The following TSHZ2 variants were observed in gnomAD, a reference collection of about 807,000 sequenced individuals.
TSHZ2 encodes the protein teashirt homolog 2.
TSHZ2 carries 21 observed loss-of-function variants against 74.4 expected under a neutral mutation model. The ratio of observed to expected loss-of-function variants is 0.28; its 90% CI spans 0.20 to 0.41. The LOEUF (loss-of-function observed/expected upper bound fraction) is 0.41. Among genes scored for constraint, TSHZ2 ranks in the 10% least tolerant of loss-of-function variants. TSHZ2 has a pLI of 1.00. For synonymous variants in TSHZ2, 540 were observed against 515.3 expected, an observed-to-expected ratio of 1.05 and a Z score of -0.65; for missense variants, 1,244 against 1,293.5, an observed-to-expected ratio of 0.96 and a Z score of 0.59.
chr20:53,268,243 G>C (rs571688518), intron 2 of TSHZ2, among the ~76,000 whole-genome samples: 2 of 152,276 alleles, frequency 1.3e-5, no homozygotes, highest in African/African-American at 4.8e-5. Context: ...TACGAAAGAA[G>C]TCTGTGCAAG....
chr20:53,237,768 T>C (rs1396679125), intron 1 of TSHZ2, among the ~76,000 whole-genome samples: 4 of 152,178 alleles, frequency 2.6e-5, no homozygotes, highest in Non-Finnish European at 5.9e-5. Context: ...ATATGGACGA[T>C]TTAAAGCAGA....
rs527862445 is a variant in TSHZ2 at position 53,178,089 on chromosome 20, C to T, written c.41-75410C>T. ...GCTCTCTTAAAGCTGTTTGATATGTCCTACTGGTTGCATGACCTGGATAAT... is the reference window on the plus strand; with the variant it reads ...GCTCTCTTAAAGCTGTTTGATATGTTCTACTGGTTGCATGACCTGGATAAT... On this transcript the variant is annotated intron_variant, in intron 1 of 2. Transcript: ENST00000371497. 2.6e-5 allele frequency: 4 copies of T among 152,322 alleles called. No homozygotes were observed. The East Asian group carries it at 5.8e-4, about 22-fold the overall frequency. The allele number at this position is 152,322 out of a possible 1,614,324, so 9.4% of individuals were successfully genotyped here.
At chr20:53,424,108 G>T (rs1402295202) in intron 2 of TSHZ2, among the ~76,000 whole-genome samples, 1 of 152,234 alleles carries the variant, frequency 6.6e-6, no homozygotes, top group Non-Finnish European at 1.5e-5. Flanking sequence ...CTAACTGAGG[G>T]TTTCTCAGCA....
chr20:53,302,286 G>C (rs1198384286), intron 2 of TSHZ2, among the ~76,000 whole-genome samples: 1 of 152,156 alleles, frequency 6.6e-6, no homozygotes, highest in Non-Finnish European at 1.5e-5. Context: ...AAGCGTTGAG[G>C]AAAATTTTGT....
At chr20:53,249,192 C>T (rs1990269443) in intron 1 of TSHZ2, among the ~76,000 whole-genome samples, 1 of 152,154 alleles carries the variant, frequency 6.6e-6, no homozygotes, top group Non-Finnish European at 1.5e-5. Context: ...TTGTAATTCA[C>T]ATCTATCTAC....
At chr20:53,363,236 A>G (rs1981133320) in intron 2 of TSHZ2, among the ~76,000 whole-genome samples, 1 of 151,986 alleles carries the variant, frequency 6.6e-6, no homozygotes. Context: ...CTATACCATC[A>G]CCCTAGCTGT....
At chr20:53,418,453 G>GT (rs1349962516) in intron 2 of TSHZ2, among the ~76,000 whole-genome samples, 1 of 152,188 alleles carries the variant, frequency 6.6e-6, no homozygotes, top group East Asian at 1.9e-4. Context: ...TGGACTTCCA[G>GT]TTTCACATGG....
intron 1 of TSHZ2, among the ~76,000 whole-genome samples, chr20:53,188,227 G>T (rs1988646861): frequency 6.6e-6 from 1 of 152,100 alleles, no homozygotes; most frequent in Non-Finnish European, 1.5e-5. Context: ...GGGGAGGGGA[G>T]GGCCAGCCAT....
intron 1 of TSHZ2, among the ~76,000 whole-genome samples, chr20:53,187,244 A>T (rs867753078): frequency 6.6e-6 from 1 of 152,186 alleles, no homozygotes; most frequent in Non-Finnish European, 1.5e-5. Flanking sequence ...ACATTGCAGT[A>T]TTATGAGAAT....
At chr20:53,027,727 C>G (rs1210722609) in intron 1 of TSHZ2, among the ~76,000 whole-genome samples, 1 of 152,052 alleles carries the variant, frequency 6.6e-6, no homozygotes, top group East Asian at 1.9e-4. Context: ...CCACTACACT[C>G]CAGCCTGAGT....
In TSHZ2 at chr20:53,254,054, G is replaced by C; in HGVS notation, c.596G>C (p.Arg199Pro). Residue 199 changes from arginine (R) to proline (P), a missense_variant, in exon 2 of 3, where the codon CGA becomes CCA. Physicochemically the swap from Arg to Pro is moderately radical, Grantham distance 103. Around this residue, in one of 6 missense-constraint regions of TSHZ2, gnomAD observed 470 missense variants for 456.5 expected, o/e 1.03. Coordinates refer to ENST00000371497, the MANE Select transcript of TSHZ2 (RefSeq NM_173485.6). The stretch of plus-strand genomic sequence containing the variant: ...CTGTTCAGCTCGGTGCAGTTGTACC[G>C]ACAGAGCAGCAAGATGTGCGGGACT... ...PSLFSSVQLY[R>P]QSSKMCGTVF... 6.2e-7 allele frequency: 1 copy of C among 1,614,092 alleles called. No homozygotes were observed. The highest frequency in any genetic ancestry group is 8.5e-7 in the Non-Finnish European group (1 of 1,180,032).
At chr20:53,369,822 A>G (rs181301645) in intron 2 of TSHZ2, among the ~76,000 whole-genome samples, 209 of 152,340 alleles carry the variant, frequency 1.4e-3, no homozygotes, top group African/African-American at 4.8e-3. Flanking sequence ...GAGGTTTTCA[A>G]CGACCTCATG....
chr20:53,158,580 CT>C (rs1010985412), intron 1 of TSHZ2, among the ~76,000 whole-genome samples: 1 of 152,160 alleles, frequency 6.6e-6, no homozygotes, highest in African/African-American at 2.4e-5. Flanking sequence ...GTGGCGTGTC[CT>C]TTAAATGAGA....
intron 2 of TSHZ2, among the ~76,000 whole-genome samples, chr20:53,358,430 A>T (rs997020543): frequency 7.5e-6 from 1 of 133,584 alleles, no homozygotes; most frequent in Non-Finnish European, 1.5e-5. Context: ...AACTTCCGCC[A>T]CTCAGGTTCA....
chr20:53,287,705 G>T (rs770394340), intron 2 of TSHZ2, among the ~76,000 whole-genome samples: 4 of 152,128 alleles, frequency 2.6e-5, no homozygotes, highest in Admixed American at 6.5e-5. Context: ...TGGATTTCTT[G>T]TCCTTCTAAA....
chr20:53,300,614 T>G (rs1040330221), intron 2 of TSHZ2, among the ~76,000 whole-genome samples: 10 of 152,224 alleles, frequency 6.6e-5, no homozygotes, highest in African/African-American at 2.4e-4. Context: ...TGTCATCCTT[T>G]TCTTTTAAAA....
intron 1 of TSHZ2, among the ~76,000 whole-genome samples, chr20:53,090,460 G>A (rs1036296445): frequency 2.0e-5 from 3 of 152,222 alleles, no homozygotes; most frequent in African/African-American, 7.2e-5. Context: ...AAGCCATGGG[G>A]GAATAGGTTT....
rs893242531 is a variant in TSHZ2, at chr20:53,186,004, A to C, written c.41-67495A>C. Among the ~76,000 whole-genome samples the C allele has an allele frequency of 2.0e-5, 3 of 152,208 alleles. No homozygotes were observed. In the East Asian group the frequency reaches 5.8e-4, roughly 29 times the overall value. On this transcript the variant is annotated intron_variant, in intron 1 of 2. Transcript: ENST00000371497. ...GGGTGGATTTCTTACTGACATAAAG[A>C]GGGCTTTAATCAGCCCTGCTGCAAA...
intron 2 of TSHZ2, among the ~76,000 whole-genome samples, chr20:53,339,450 G>A (rs1980089765): frequency 6.6e-6 from 1 of 152,140 alleles, no homozygotes; most frequent in South Asian, 2.1e-4. Flanking sequence ...CCTCATCATG[G>A]CGTATTCTGC....
Sources: gnomAD v4.1 joint callset for allele counts (sites outside exome capture counted in the v4.1 genomes callset) on GRCh38, gnomAD v4.1.1 for gene constraint, gnomAD v4.1.1 regional missense constraint, MANE v1.5 for transcripts, NCBI Gene and HGNC (gene_info 2026-07-23, HGNC 2026-07-21) for gene names.